The following RBFOX1 variants were observed in gnomAD, a reference collection of about 807,000 sequenced individuals.
RBFOX1 encodes the protein RNA binding protein fox-1 homolog 1.
A neutral mutation model predicts 57.7 loss-of-function variants in RBFOX1; 8 were observed. That is an observed-to-expected ratio of 0.14 (90% CI 0.08 to 0.25). RBFOX1 has a LOEUF of 0.25. Among genes scored for constraint, RBFOX1 ranks in the 10% least tolerant of loss-of-function variants. The probability of loss-of-function intolerance (pLI) is 1.00; values close to 1 mark genes in which losing one functional copy is unlikely to be tolerated. For synonymous variants in RBFOX1, 326 were observed against 222.4 expected (o/e 1.47, Z -4.15); for missense variants, 611 against 548.5 (o/e 1.11, Z -1.14).
chr16:6,443,574 C>G (rs964778274), intron 2 of RBFOX1, among the ~76,000 whole-genome samples: 9 of 152,182 alleles, frequency 5.9e-5, no homozygotes, highest in African/African-American at 1.9e-4. Context: ...TCTGTAACTT[C>G]TCTCCCACTG....
chr16:7,454,729 C>G (rs1438057421), intron 4 of RBFOX1, among the ~76,000 whole-genome samples: 1 of 152,200 alleles, frequency 6.6e-6, no homozygotes, highest in Admixed American at 6.5e-5. Flanking sequence ...CCAACCATCT[C>G]TCGATGTATA....
intron 2 of RBFOX1, among the ~76,000 whole-genome samples, chr16:6,622,207 G>C (rs1023635414): frequency 5.3e-5 from 8 of 152,156 alleles, no homozygotes; most frequent in African/African-American, 1.2e-4. Context: ...CAGGTTGTAG[G>C]CATCTCTTAA....
chr16:7,291,596 A>T (rs547501352), intron 4 of RBFOX1, among the ~76,000 whole-genome samples: 1 of 152,102 alleles, frequency 6.6e-6, no homozygotes, highest in South Asian at 2.1e-4. Context: ...TCCATTAACA[A>T]ACAGGTAAGT....
At chr16:5,313,107 C>T (rs1030855112) in intron 1 of RBFOX1, among the ~76,000 whole-genome samples, 2 of 152,146 alleles carry the variant, frequency 1.3e-5, no homozygotes, top group Non-Finnish European at 2.9e-5. Flanking sequence ...TTCACAGCCA[C>T]CCTGCAAGGT....
At chr16:7,233,474 G>A (rs2093615151) in intron 4 of RBFOX1, among the ~76,000 whole-genome samples, 2 of 152,264 alleles carry the variant, frequency 1.3e-5, no homozygotes, top group South Asian at 2.1e-4. Context: ...ACAATACATG[G>A]TAGACAGCAG....
chr16:7,174,841 A>G (rs1254938120), intron 4 of RBFOX1, among the ~76,000 whole-genome samples: 1 of 152,206 alleles, frequency 6.6e-6, no homozygotes, highest in African/African-American at 2.4e-5. Flanking sequence ...CGGTTGCGTT[A>G]TTCAATATCC....
chr16:5,926,790 T>G (rs1367306798), intron 4 of RBFOX1, among the ~76,000 whole-genome samples: 5 of 152,230 alleles, frequency 3.3e-5, no homozygotes. Flanking sequence ...ATTAAGCTTG[T>G]TTTTAACAAT....
intron 3 of RBFOX1, among the ~76,000 whole-genome samples, chr16:5,726,497 G>A (rs1043563029): frequency 6.6e-6 from 1 of 152,076 alleles, no homozygotes; most frequent in Non-Finnish European, 1.5e-5. Context: ...TCACTCTGTG[G>A]TGACCAGAAT....
intron 3 of RBFOX1, among the ~76,000 whole-genome samples, chr16:5,646,595 G>C (rs902525318): frequency 1.3e-5 from 2 of 152,098 alleles, no homozygotes; most frequent in Non-Finnish European, 2.9e-5. Context: ...ATGTGTCAGG[G>C]AGGGCATGGC....
chr16:5,622,549 G>C (rs548492373), intron 3 of RBFOX1, among the ~76,000 whole-genome samples: 4 of 152,234 alleles, frequency 2.6e-5, no homozygotes, highest in African/African-American at 9.6e-5. Flanking sequence ...CTTTTCTCTA[G>C]TGGTACTTTT....
intron 4 of RBFOX1, among the ~76,000 whole-genome samples, chr16:7,157,280 C>G (rs574304077): frequency 7.2e-5 from 11 of 152,258 alleles, no homozygotes; most frequent in African/African-American, 1.9e-4. Flanking sequence ...GGGAAGAAGA[C>G]CATATGCTTG....
intron 4 of RBFOX1, among the ~76,000 whole-genome samples, chr16:7,057,289 G>A (rs1187574315): frequency 6.6e-6 from 1 of 152,168 alleles, no homozygotes; most frequent in Non-Finnish European, 1.5e-5. Context: ...AATAGAGACA[G>A]ATTCCAGCTA....
intron 3 of RBFOX1, among the ~76,000 whole-genome samples, chr16:6,671,373 G>C (rs975722138): frequency 6.6e-6 from 1 of 152,108 alleles, no homozygotes; most frequent in South Asian, 2.1e-4. Flanking sequence ...CATCTTATAA[G>C]ATATTTTGAC....
intron 1 of RBFOX1, among the ~76,000 whole-genome samples, chr16:5,249,011 AAG>A (rs2062377308): frequency 1.3e-5 from 2 of 150,164 alleles, no homozygotes; most frequent in African/African-American, 4.9e-5. Context: ...AAAAAAAAAA[AAG>A]AGGACAAGAG....
rs559282054 is a variant in RBFOX1 at position 6,763,681 on chromosome 16, G to C, written c.-16+109031G>C. ...CCAGCAAAGTATCGGGTCTGTTTTAGGATTTACGTTTTTATTAGAATGTTT... is the reference window on the plus strand; with the variant it reads ...CCAGCAAAGTATCGGGTCTGTTTTACGATTTACGTTTTTATTAGAATGTTT... On this transcript the variant is annotated intron_variant, in intron 3 of 15. Coordinates refer to ENST00000550418, the MANE Select transcript of RBFOX1 (RefSeq NM_018723.4). Among the ~76,000 whole-genome samples the C allele has an allele frequency of 3.3e-5, 5 of 152,208 alleles. No individual in the cohort carries two copies. In the South Asian group the frequency reaches 1.0e-3, roughly 32 times the overall value.
intron 2 of RBFOX1, among the ~76,000 whole-genome samples, chr16:6,520,999 C>G (rs545424787): frequency 1.3e-5 from 2 of 151,980 alleles, no homozygotes; most frequent in South Asian, 2.1e-4. Context: ...ATAAATTTTC[C>G]GAAGGGTAAT....
chr16:5,354,245 C>A (rs1457956054), intron 1 of RBFOX1, among the ~76,000 whole-genome samples: 1 of 152,186 alleles, frequency 6.6e-6, no homozygotes, highest in East Asian at 1.9e-4. Context: ...TCTGGTCTTT[C>A]TGTGTCTGTG....
intron 2 of RBFOX1, among the ~76,000 whole-genome samples, chr16:6,389,658 G>C (rs2092492592): frequency 6.6e-6 from 1 of 152,132 alleles, no homozygotes; most frequent in Non-Finnish European, 1.5e-5. Context: ...AATGACAAGA[G>C]TAAACATGAG....
chr16:5,942,430 G>T (rs914785999), intron 4 of RBFOX1, among the ~76,000 whole-genome samples: 49 of 152,228 alleles, frequency 3.2e-4, no homozygotes, highest in African/African-American at 9.9e-4. Flanking sequence ...TGTCAGAAAT[G>T]CAAAACTCTG....
Sources: gnomAD v4.1 joint callset for allele counts (sites outside exome capture counted in the v4.1 genomes callset) on GRCh38, gnomAD v4.1.1 for gene constraint, MANE v1.5 for transcripts, NCBI Gene and HGNC (gene_info 2026-07-23, HGNC 2026-07-21) for gene names.